The following MAN2A1 variants were observed in gnomAD, a reference collection of about 807,000 sequenced individuals.
The protein encoded by MAN2A1 is mannosidase alpha class 2A member 1.
In MAN2A1, 76 loss-of-function variants were observed where a neutral mutation model predicts 142.6. That is an observed-to-expected ratio of 0.53 (90% CI 0.44 to 0.65). The LOEUF (loss-of-function observed/expected upper bound fraction) is 0.65. MAN2A1 is among the 30% of genes least tolerant of loss of function. The pLI is 0.00. For missense variants in MAN2A1, 1,311 were observed against 1,365.1 expected (o/e 0.96, Z 0.62); for synonymous variants, 559 against 473.2 (o/e 1.18, Z -2.35).
chr5:109,766,737 T>C (rs1753002399), intron 5 of MAN2A1, among the ~76,000 whole-genome samples: 1 of 152,194 alleles, frequency 6.6e-6, no homozygotes, highest in South Asian at 2.1e-4. Flanking sequence ...AGTTTATAAG[T>C]TGTAAGTAGA....
At chr5:109,786,484 C>T (rs1296272218) in intron 10 of MAN2A1, among the ~76,000 whole-genome samples, 1 of 152,012 alleles carries the variant, frequency 6.6e-6, no homozygotes, top group Non-Finnish European at 1.5e-5. Context: ...TCATTGGTTC[C>T]TCCATATGTT....
chr5:109,817,507 G>A, intron 13 of MAN2A1, 69 bp downstream of exon 13: 2 of 1,447,632 alleles, frequency 1.4e-6, no homozygotes, highest in African/African-American at 1.4e-5. Context: ...ATTTGTGTAT[G>A]TACAGTAGCC....
Position 109,770,553 on chromosome 5 carries a change from C to G in MAN2A1, c.1196+12C>G. ...AATGTCCAAAGCAGGTATGAAAATGCGTATTTCATAAGACAACATCTTGAA... is the reference window on the plus strand; with the variant it reads ...AATGTCCAAAGCAGGTATGAAAATGGGTATTTCATAAGACAACATCTTGAA... On this transcript the variant is annotated intron_variant, in intron 7 of 21. Transcript: ENST00000261483. 1 of 1,609,104 alleles carries G rather than the reference C, an allele frequency of 6.2e-7. No individual in the cohort carries two copies. Among genetic ancestry groups the G allele is most frequent in the Non-Finnish European group, 8.5e-7 (1 of 1,176,746 alleles).
chr5:109,774,745 C>T lies in MAN2A1; in HGVS notation c.1197-43C>T, dbSNP rs181963075. ...ATTGTCACATTCACTTTTTCTTAGT[C>T]AAATTCATATTTGCTGTTTTTTTGT... On this transcript the variant is annotated intron_variant, in intron 7 of 21. Transcript: ENST00000261483. 218 of 1,475,914 alleles carry T rather than the reference C, an allele frequency of 1.5e-4. 2 individuals are homozygous for T. In the African/African-American group the frequency reaches 2.8e-3, roughly 19 times the overall value. The allele number at this position is 1,475,914 out of a possible 1,614,324, so 91.4% of individuals were successfully genotyped here. A position where few individuals can be genotyped will look rare whatever the true frequency, so the allele number is the denominator to read the frequency against.
intron 12 of MAN2A1, among the ~76,000 whole-genome samples, chr5:109,815,356 T>C (rs1343592511): frequency 6.6e-6 from 1 of 152,196 alleles, no homozygotes; most frequent in Non-Finnish European, 1.5e-5. Flanking sequence ...CTTCTGTGCG[T>C]AAAATGGGAT....
rs983301515 is a variant in MAN2A1 at position 109,791,115 on chromosome 5, A to G, written c.1943+1588A>G. On this transcript the variant is annotated intron_variant, in intron 12 of 21. Coordinates refer to ENST00000261483, the MANE Select transcript of MAN2A1 (RefSeq NM_002372.4). ...ATTAGTAAAATGATTGCTTTTTGAT[A>G]TTTCTTTTTAAATAGTTTTTATTTA... Among the ~76,000 whole-genome samples, 6 of 152,046 alleles carry G rather than the reference A, an allele frequency of 3.9e-5. 1 individual carries two copies. Among genetic ancestry groups the G allele is most frequent in the African/African-American group, 1.4e-4 (6 of 41,430 alleles).
intron 5 of MAN2A1, among the ~76,000 whole-genome samples, chr5:109,763,926 C>G (rs899818323): frequency 2.0e-5 from 3 of 151,918 alleles, no homozygotes; most frequent in Admixed American, 6.6e-5. Context: ...CTCAGCCTCC[C>G]TAGTAGCTAG....
Position 109,729,144 on chromosome 5 carries a change from A to C in MAN2A1, c.536-198A>C, listed in dbSNP as rs187177907. Among the ~76,000 whole-genome samples, 63 of 152,100 alleles carry C rather than the reference A, an allele frequency of 4.1e-4. 1 individual carries two copies. The highest frequency in any genetic ancestry group is 6.8e-3 in the Middle Eastern group (2 of 294). ...TTTGTGCAGTTTTCAGAGTGTTTTC[A>C]TTGTTTTAATATTAGTGGGTTTCTG... On this transcript the variant is annotated intron_variant, in intron 3 of 21. Transcript: ENST00000261483.
At chr5:109,851,102 A>G (rs1297955630) in intron 19 of MAN2A1, among the ~76,000 whole-genome samples, 1 of 152,210 alleles carries the variant, frequency 6.6e-6, no homozygotes, top group Non-Finnish European at 1.5e-5. Flanking sequence ...TGAGCATGAC[A>G]GAGCCTCATG....
At chr5:109,746,267 G>A (rs150454887) in intron 4 of MAN2A1, among the ~76,000 whole-genome samples, 22 of 152,280 alleles carry the variant, frequency 1.4e-4, no homozygotes, top group East Asian at 7.7e-4. Flanking sequence ...GAACCACCGC[G>A]TCTGGCCTCA....
chr5:109,815,875 T>A (rs1754443372), intron 12 of MAN2A1, among the ~76,000 whole-genome samples: 1 of 152,190 alleles, frequency 6.6e-6, no homozygotes, highest in Non-Finnish European at 1.5e-5. Context: ...GGTTACAAAA[T>A]TGTATAGGAA....
intron 8 of MAN2A1, among the ~76,000 whole-genome samples, chr5:109,778,427 A>G (rs771497381): frequency 6.6e-6 from 1 of 152,128 alleles, no homozygotes; most frequent in Admixed American, 6.5e-5. Flanking sequence ...GAAAGCAGAC[A>G]TAATTTTCTA....
chr5:109,766,830 T>A (rs899323645), intron 5 of MAN2A1, among the ~76,000 whole-genome samples: 1 of 152,186 alleles, frequency 6.6e-6, no homozygotes, highest in Admixed American at 6.6e-5. Context: ...CCAGTACATT[T>A]ATTATCTTTT....
At chr5:109,859,364 T>C (rs1318204896) in intron 20 of MAN2A1, among the ~76,000 whole-genome samples, 1 of 152,226 alleles carries the variant, frequency 6.6e-6, no homozygotes, top group Non-Finnish European at 1.5e-5. Flanking sequence ...CTTTTCTGCT[T>C]TATATCAATT....
chr5:109,700,923 T>C (rs1347490036), intron 1 of MAN2A1, among the ~76,000 whole-genome samples: 1 of 152,236 alleles, frequency 6.6e-6, no homozygotes, highest in Non-Finnish European at 1.5e-5. Flanking sequence ...AAAGAACTTT[T>C]TAGTTATTTA....
chr5:109,843,739 G>A (rs945727469), intron 17 of MAN2A1, among the ~76,000 whole-genome samples: 1 of 152,088 alleles, frequency 6.6e-6, no homozygotes, highest in Non-Finnish European at 1.5e-5. Flanking sequence ...ATCTTATCAG[G>A]TTGTCAATTC....
chr5:109,811,789 A>G (rs1754326766), intron 12 of MAN2A1, among the ~76,000 whole-genome samples: 1 of 152,148 alleles, frequency 6.6e-6, no homozygotes. Context: ...ATAACTACAC[A>G]TACCATACAG....
Position 109,842,395 on chromosome 5 carries a change from T to C in MAN2A1, c.2634T>C (p.Ile878=). ...TCCGAAAAGTATATAACCGTGAGAT[T>C]GCAATGAAAATTTCTTCTGATATAA... The part of the protein sequence containing the change: ...VDIRKVYNRE[I]AMKISSDIKS... Residue 878 remains isoleucine (I), a synonymous_variant, in exon 17 of 22, where the codon ATT becomes ATC. Transcript: ENST00000261483. 1 of 1,587,752 alleles carries C rather than the reference T, an allele frequency of 6.3e-7. No individual in the cohort carries two copies. The highest frequency in any genetic ancestry group is 1.3e-5 in the African/African-American group (1 of 74,364).
intron 12 of MAN2A1, among the ~76,000 whole-genome samples, chr5:109,795,582 A>G (rs552591483): frequency 5.3e-5 from 8 of 152,316 alleles, no homozygotes; most frequent in African/African-American, 1.7e-4. Context: ...CAAAGCTGAT[A>G]GAACTGGTCT....
Sources: gnomAD v4.1 joint callset for allele counts (sites outside exome capture counted in the v4.1 genomes callset) on GRCh38, gnomAD v4.1.1 for gene constraint, MANE v1.5 for transcripts, NCBI Gene and HGNC (gene_info 2026-07-23, HGNC 2026-07-21) for gene names.